The following SEC63 variants were observed in gnomAD, a reference collection of about 807,000 sequenced individuals.
SEC63 encodes the protein SEC63 protein translocation regulator, also known as translocation protein SEC63 homolog.
SEC63 carries 56 observed loss-of-function variants against 116.2 expected under a neutral mutation model. That is an observed-to-expected ratio of 0.48 (90% CI 0.39 to 0.60). The LOEUF (loss-of-function observed/expected upper bound fraction) is 0.60, where lower values mean the gene tolerates loss of function less well. Among genes scored for constraint, SEC63 ranks in the 20% least tolerant of loss-of-function variants. The pLI is 0.00. For synonymous variants in SEC63, 273 were observed against 294.6 expected (o/e 0.93, Z 0.75); for missense variants, 668 against 900.0 (o/e 0.74, Z 3.30).
chr6:107,874,833 A>G (rs1409658508), intron 19 of SEC63, among the ~76,000 whole-genome samples: 1 of 152,050 alleles, frequency 6.6e-6, no homozygotes, highest in Admixed American at 6.6e-5. Flanking sequence ...ACAAGTCACC[A>G]CACCCAGCTA....
Position 107,906,696 on chromosome 6 carries a change from A to G in SEC63, c.815T>C (p.Ile272Thr). Residue 272 changes from isoleucine to threonine, a missense_variant, in exon 9 of 21, where the codon ATT (isoleucine) becomes ACT (threonine). Coordinates refer to ENST00000369002, the MANE Select transcript of SEC63 (RefSeq NM_007214.5). ...AATTAGCCTAACCTGTGGTATTAGA[A>G]TATTATCCGTTGGTCTGCTTGTGGC... ...KDATSRPTDN[I>T]LIPQLIREIG... 3.7e-6 allele frequency: 6 copies of G among 1,613,756 alleles called. No homozygotes were observed. Among genetic ancestry groups the G allele is most frequent in the Non-Finnish European group, 5.1e-6 (6 of 1,179,672 alleles).
intron 16 of SEC63, among the ~76,000 whole-genome samples, chr6:107,888,125 T>A (rs1229054217): frequency 6.6e-6 from 1 of 152,214 alleles, no homozygotes; most frequent in Non-Finnish European, 1.5e-5. Context: ...TCCAATTCTG[T>A]GAAGAAAGTC....
chr6:107,924,987 A>T, intron 2 of SEC63, 55 bp from the exon 3 acceptor site: 1 of 1,025,278 alleles, frequency 9.8e-7, no homozygotes, highest in Non-Finnish European at 1.5e-6. Flanking sequence ...ATAGAGTCTA[A>T]AGACATTATG....
At chr6:107,912,978 A>G (rs1787319800) in intron 5 of SEC63, among the ~76,000 whole-genome samples, 1 of 152,214 alleles carries the variant, frequency 6.6e-6, no homozygotes, top group African/African-American at 2.4e-5. Flanking sequence ...CAAATTTTTC[A>G]AGGAAAAAGA....
At chr6:107,884,630 A>C (rs915055238) in intron 16 of SEC63, among the ~76,000 whole-genome samples, 2 of 152,154 alleles carry the variant, frequency 1.3e-5, no homozygotes, top group Non-Finnish European at 2.9e-5. Context: ...AGACTAAAAA[A>C]ACAAATCAAA....
rs755616893 is a variant in SEC63, at chr6:107,901,398, T to C, written c.1329A>G (p.Pro443=). Residue 443 remains proline, a synonymous_variant, in exon 13 of 21, where the codon CCA becomes CCG. Coordinates refer to ENST00000369002, the MANE Select transcript of SEC63 (RefSeq NM_007214.5). The stretch of plus-strand genomic sequence containing the variant: ...GTGATTTTATATCCATGGTCACATA[T>C]GGAAAACTCCCAAGGACAGCCATAA... ...EEVMAVLGSF[P]YVTMDIKSQV... 1.9e-6 allele frequency: 3 copies of C among 1,613,156 alleles called. No individual in the cohort carries two copies. The highest frequency in any genetic ancestry group is 1.7e-6 in the Non-Finnish European group (2 of 1,179,770).
intron 18 of SEC63, among the ~76,000 whole-genome samples, chr6:107,879,250 G>A (rs1443661238): frequency 7.9e-5 from 12 of 152,144 alleles, no homozygotes; most frequent in Middle Eastern, 3.2e-3. Flanking sequence ...TGCAACCTCC[G>A]CCTCCCAGGT....
At position 107,871,798 on chromosome 6, in the gene SEC63, T is replaced by A; in HGVS notation, c.2189A>T (p.Asp730Val). The A allele has an allele frequency of 6.2e-7, 1 of 1,613,798 alleles. No individual in the cohort carries two copies. Among genetic ancestry groups the A allele is most frequent in the Non-Finnish European group, 8.5e-7 (1 of 1,179,746 alleles). The change falls in exon 21 of 21, where the codon GAT (aspartate) becomes GTT (valine). Residue 730 changes from aspartate to valine, a missense_variant. By Grantham distance (152) the Asp-to-Val change is radical. Transcript: ENST00000369002. ...GTCTTCATCCCCCTCTATTGCTGTA[T>A]CCCACTGTGGGTGATTTTCTGGCAC... ...KPVPENHPQW[D>V]TAIEGDEDQE... is the part of the protein sequence containing the mutation.
intron 4 of SEC63, among the ~76,000 whole-genome samples, chr6:107,918,851 C>T (rs1356924170): frequency 6.7e-6 from 1 of 149,356 alleles, no homozygotes; most frequent in African/African-American, 2.5e-5. Flanking sequence ...TTGTGATTCA[C>T]AGGAAGAGGC....
intron 4 of SEC63, among the ~76,000 whole-genome samples, chr6:107,920,798 T>A (rs1787538623): frequency 6.6e-6 from 1 of 152,234 alleles, no homozygotes; most frequent in South Asian, 2.1e-4. Context: ...CTGCATCTAA[T>A]GTTACACACT....
intron 1 of SEC63, among the ~76,000 whole-genome samples, chr6:107,957,043 G>A (rs1770724860): frequency 6.6e-6 from 1 of 151,830 alleles, no homozygotes; most frequent in Admixed American, 6.6e-5. Flanking sequence ...TGTCCTAGTA[G>A]AGTGCAACAA....
At chr6:107,904,564 T>C (rs377752000) in intron 11 of SEC63, 65 bp downstream of exon 11, 1 of 1,268,668 alleles carries the variant, frequency 7.9e-7, no homozygotes, top group Non-Finnish European at 1.2e-6. Flanking sequence ...TCCTAAAATA[T>C]GAAGTACAAT....
intron 16 of SEC63, among the ~76,000 whole-genome samples, chr6:107,886,458 T>C (rs1786531489): frequency 6.6e-6 from 1 of 152,226 alleles, no homozygotes; most frequent in African/African-American, 2.4e-5. Context: ...GTTGAACTAG[T>C]TTACAGTCCC....
chr6:107,936,224 C>T (rs1770241319), intron 1 of SEC63, among the ~76,000 whole-genome samples: 1 of 152,118 alleles, frequency 6.6e-6, no homozygotes, highest in South Asian at 2.1e-4. Flanking sequence ...CTTGTATGCC[C>T]CACTCTTCCA....
At chr6:107,910,232 G>A (rs187315053) in intron 7 of SEC63, among the ~76,000 whole-genome samples, 6 of 152,278 alleles carry the variant, frequency 3.9e-5, no homozygotes, top group Admixed American at 2.6e-4. Context: ...TTGAGAGGCC[G>A]AGGCAGGATA....
intron 1 of SEC63, among the ~76,000 whole-genome samples, chr6:107,954,261 G>A (rs967959721): frequency 6.6e-6 from 1 of 151,686 alleles, no homozygotes; most frequent in Non-Finnish European, 1.5e-5. Flanking sequence ...ACAGATGCTT[G>A]AAGGCAGCAT....
intron 1 of SEC63, among the ~76,000 whole-genome samples, chr6:107,935,190 G>A (rs546344505): frequency 1.2e-3 from 186 of 150,842 alleles, no homozygotes; most frequent in Non-Finnish European, 2.1e-3. Context: ...CCCCCGCCCG[G>A]CCAGCCGCCC....
chr6:107,868,359 A>G lies in SEC63; in HGVS notation c.*3345T>C, dbSNP rs1012553143. On this transcript the variant is annotated 3_prime_UTR_variant, in exon 21 of 21. Transcript: ENST00000369002. Reference sequence around the variant, plus strand: ...TTTGGGAGGCTGAGGAGGGCTGATCACTTGAGGCCAGGAGTTCGAGACCAG... The same window carrying G: ...TTTGGGAGGCTGAGGAGGGCTGATCGCTTGAGGCCAGGAGTTCGAGACCAG... The G allele has an allele frequency of 6.6e-6, 1 of 152,258 alleles. No homozygotes were observed. Among genetic ancestry groups the G allele is most frequent in the African/African-American group, 2.4e-5 (1 of 41,552 alleles). The allele number at this position is 152,258 out of a possible 1,614,324, so 9.4% of individuals were successfully genotyped here.
Position 107,913,352 on chromosome 6 carries a change from A to T in SEC63, c.514+14T>A. The T allele has an allele frequency of 6.5e-7, 1 of 1,528,436 alleles. No homozygotes were observed. Among genetic ancestry groups the T allele is most frequent in the Non-Finnish European group, 9.1e-7 (1 of 1,102,184 alleles). 94.7% of individuals were successfully genotyped at this position (1,528,436 alleles called of 1,614,324 possible). On this transcript the variant is annotated intron_variant, in intron 5 of 20. Transcript: ENST00000369002. ...ACCATATCGCCAATATTTTAAAATC[A>T]TCATTTACCACACCTTGAGGCCCAT... is the stretch of plus-strand genomic sequence containing the variant.
Sources: gnomAD v4.1 joint callset for allele counts (sites outside exome capture counted in the v4.1 genomes callset) on GRCh38, gnomAD v4.1.1 for gene constraint, MANE v1.5 for transcripts, NCBI Gene and HGNC (gene_info 2026-07-23, HGNC 2026-07-21) for gene names.